CCDC141: variants seen among roughly 807,000 people sequenced by gnomAD.
CCDC141 encodes coiled-coil domain-containing protein 141.
Under a neutral mutation model 181.0 loss-of-function variants are expected in CCDC141, and 168 were observed. That is an observed-to-expected ratio of 0.93 (90% CI 0.82 to 1.05). The LOEUF (loss-of-function observed/expected upper bound fraction) is 1.05. Among genes scored for constraint, CCDC141 ranks in the 50% least tolerant of loss-of-function variants. The probability of loss-of-function intolerance (pLI) is 0.00; values close to 1 mark genes in which losing one functional copy is unlikely to be tolerated. For synonymous variants in CCDC141, 666 were observed against 642.3 expected, an observed-to-expected ratio of 1.04 and a Z score of -0.56; for missense variants, 1,902 against 1,788.5, an observed-to-expected ratio of 1.06 and a Z score of -1.14.
chr2:178,926,951 T>C (rs1378950185), intron 6 of CCDC141, among the ~76,000 whole-genome samples: 3 of 152,164 alleles, frequency 2.0e-5, no homozygotes, highest in Non-Finnish European at 2.9e-5. Context: ...TAAGAAAAGG[T>C]AAAAAATATG....
At chr2:178,885,501 T>C (rs528194112) in intron 10 of CCDC141, among the ~76,000 whole-genome samples, 4 of 152,226 alleles carry the variant, frequency 2.6e-5, no homozygotes, top group Non-Finnish European at 5.9e-5. Flanking sequence ...TAAAACTTAT[T>C]TATTAGTTTT....
In CCDC141 at chr2:178,855,526, T is replaced by C. The variant is rs1168276447; in HGVS notation, c.2881A>G (p.Met961Val). ...AEKMQALKRK[M>V]EKVSNKTSDS... The stretch of plus-strand genomic sequence containing the variant: ...GAGGTTTTATTACTAACTTTTTCCA[T>C]TTTCCTTTTCAAAGCCTGTGTGAAA... Residue 961 changes from methionine (M) to valine (V), a missense_variant, in exon 19 of 24, where the codon ATG (methionine) becomes GTG (valine). Met to Val is a conservative substitution (Grantham distance 21, BLOSUM62 1). Coordinates refer to ENST00000443758, the MANE Select transcript of CCDC141 (RefSeq NM_173648.4). 1 of 1,585,058 alleles carries C rather than the reference T, an allele frequency of 6.3e-7. No homozygotes were observed.
chr2:178,871,014 A>C (rs1558943118), intron 14 of CCDC141, among the ~76,000 whole-genome samples: 1 of 152,230 alleles, frequency 6.6e-6, no homozygotes. Flanking sequence ...GGACAGTGAC[A>C]TAACAGTGGT....
intron 4 of CCDC141, among the ~76,000 whole-genome samples, chr2:178,963,165 A>G (rs533918440): frequency 6.6e-6 from 1 of 152,304 alleles, no homozygotes; most frequent in African/African-American, 2.4e-5. Flanking sequence ...TGGGGGAGCT[A>G]CAAATGTTAG....
At chr2:178,986,347 C>T (rs1475487387) in intron 2 of CCDC141, among the ~76,000 whole-genome samples, 1 of 152,090 alleles carries the variant, frequency 6.6e-6, no homozygotes, top group African/African-American at 2.4e-5. Flanking sequence ...ATGACAAACC[C>T]ACAGCCAATA....
chr2:178,961,690 A>T (rs1690409366), intron 4 of CCDC141, among the ~76,000 whole-genome samples: 3 of 152,226 alleles, frequency 2.0e-5, no homozygotes, highest in Admixed American at 1.3e-4. Context: ...AACAATTGTG[A>T]TAGTGCTAAC....
In CCDC141 at chr2:178,868,070, C is replaced by T; in HGVS notation, c.2530G>A (p.Ala844Thr). 6.2e-7 allele frequency: 1 copy of T among 1,613,944 alleles called. No individual in the cohort carries two copies. Among genetic ancestry groups the T allele is most frequent in the Non-Finnish European group, 8.5e-7 (1 of 1,179,896 alleles). Residue 844 changes from alanine to threonine, a missense_variant, in exon 16 of 24, where the codon GCC becomes ACC. Physicochemically the swap from Ala to Thr is moderately conservative, Grantham distance 58 (BLOSUM62 0). Coordinates refer to ENST00000443758, the MANE Select transcript of CCDC141 (RefSeq NM_173648.4). ...QARVDHLHRL[A>T]LSLGVDIISS... Reference sequence around the variant, plus strand: ...ATGATGTCGACTCCTAAGGAAAGGGCCAGTCTGTGGAGATGGTCTACACGG... The same window carrying T: ...ATGATGTCGACTCCTAAGGAAAGGGTCAGTCTGTGGAGATGGTCTACACGG...
intron 8 of CCDC141, among the ~76,000 whole-genome samples, chr2:178,898,262 T>TCACACATAC (rs1472139245): frequency 6.6e-6 from 1 of 152,208 alleles, no homozygotes; most frequent in East Asian, 1.9e-4. Flanking sequence ...TTCCCTTTTT[T>TCACACATAC]CACACATACC....
intron 2 of CCDC141, among the ~76,000 whole-genome samples, chr2:178,984,248 TAC>T (rs1691595823): frequency 6.7e-6 from 1 of 148,454 alleles, no homozygotes; most frequent in South Asian, 2.2e-4. Flanking sequence ...TAATATACTT[TAC>T]AGACAAGCAA....
intron 4 of CCDC141, among the ~76,000 whole-genome samples, chr2:178,967,837 G>A (rs1690707600): frequency 6.6e-6 from 1 of 152,064 alleles, no homozygotes. Context: ...CTGTATTCAG[G>A]AAACCCATCT....
At chr2:179,011,808 GA>G (rs1458924782) in intron 2 of CCDC141, among the ~76,000 whole-genome samples, 2 of 152,014 alleles carry the variant, frequency 1.3e-5, no homozygotes, top group African/African-American at 4.8e-5. Flanking sequence ...ACTGGAAATC[GA>G]CTCCAAAAGG....
At chr2:179,026,686 C>T (rs1397963346) in intron 2 of CCDC141, among the ~76,000 whole-genome samples, 1 of 152,184 alleles carries the variant, frequency 6.6e-6, no homozygotes, top group Admixed American at 6.5e-5. Flanking sequence ...CCACTGACAG[C>T]TTGCACTGCG....
At chr2:179,005,481 A>G (rs1379053002) in intron 2 of CCDC141, among the ~76,000 whole-genome samples, 1 of 152,188 alleles carries the variant, frequency 6.6e-6, no homozygotes, top group Non-Finnish European at 1.5e-5. Flanking sequence ...TCTATTAAAA[A>G]ACAATAAAAA....
At chr2:179,019,584 C>T (rs1005038890) in intron 2 of CCDC141, among the ~76,000 whole-genome samples, 1 of 152,028 alleles carries the variant, frequency 6.6e-6, no homozygotes, top group Non-Finnish European at 1.5e-5. Context: ...CCCTTTCTAT[C>T]CCCTTTACTT....
At chr2:178,848,668 C>T (rs1028846059) in intron 21 of CCDC141, among the ~76,000 whole-genome samples, 3 of 152,094 alleles carry the variant, frequency 2.0e-5, no homozygotes, top group East Asian at 3.9e-4. Flanking sequence ...AGATGTGCAA[C>T]GTAAACGGGA....
At chr2:178,878,794 T>C (rs1686467040) in intron 11 of CCDC141, among the ~76,000 whole-genome samples, 1 of 152,222 alleles carries the variant, frequency 6.6e-6, no homozygotes, top group Non-Finnish European at 1.5e-5. Context: ...TTGTATGTTT[T>C]TCAATTTGGG....
intron 2 of CCDC141, among the ~76,000 whole-genome samples, chr2:179,025,440 G>A (rs1467713736): frequency 6.6e-6 from 1 of 152,100 alleles, no homozygotes; most frequent in Non-Finnish European, 1.5e-5. Context: ...AACGGGAGTT[G>A]CCCTGCATAA....
downstream of CCDC141, among the ~76,000 whole-genome samples, chr2:178,824,844 AT>A (rs201348823): frequency 4.1e-3 from 630 of 152,220 alleles, 3 homozygotes; most frequent in African/African-American, 0.014. Flanking sequence ...TTGTATATCC[AT>A]TTATAAGTCC....
chr2:178,884,239 GAA>G (rs59431193), intron 11 of CCDC141, among the ~76,000 whole-genome samples: 8 of 113,616 alleles, frequency 7.0e-5, no homozygotes, highest in African/African-American at 2.4e-4. Context: ...ATAATGTGAA[GAA>G]AAAAAAAAAA....
Sources: gnomAD v4.1 joint callset for allele counts (sites outside exome capture counted in the v4.1 genomes callset) on GRCh38, gnomAD v4.1.1 for gene constraint, MANE v1.5 for transcripts, NCBI Gene and HGNC (gene_info 2026-07-23, HGNC 2026-07-21) for gene names.